The following PTPRD variants were observed in gnomAD, a reference collection of about 807,000 sequenced individuals.
PTPRD encodes protein tyrosine phosphatase receptor type D.
A neutral mutation model predicts 214.5 loss-of-function variants in PTPRD; 34 were observed. The observed-to-expected ratio is 0.16, with a 90% CI of 0.12 to 0.21. The LOEUF is 0.21. Among genes scored for constraint, PTPRD ranks in the 10% least tolerant of loss-of-function variants. The pLI is 1.00. For synonymous variants in PTPRD, 1,128 were observed against 845.7 expected, an observed-to-expected ratio of 1.33 and a Z score of -5.79; for missense variants, 2,545 against 2,398.7, an observed-to-expected ratio of 1.06 and a Z score of -1.27.
intron 7 of PTPRD, among the ~76,000 whole-genome samples, chr9:9,596,290 T>C (rs555556842): frequency 6.6e-6 from 1 of 152,120 alleles, no homozygotes; most frequent in East Asian, 1.9e-4. Flanking sequence ...AGAATATTCC[T>C]GAAGAATAGT....
chr9:9,070,892 A>T (rs1343464648), intron 10 of PTPRD, among the ~76,000 whole-genome samples: 1 of 152,100 alleles, frequency 6.6e-6, no homozygotes. Context: ...TAGTGTCCCC[A>T]CTAGCACTAC....
intron 11 of PTPRD, among the ~76,000 whole-genome samples, chr9:9,016,258 TC>T (rs1018008772): frequency 6.6e-6 from 1 of 152,118 alleles, no homozygotes; most frequent in Non-Finnish European, 1.5e-5. Context: ...GTGACAATTT[TC>T]CCCCAAATAG....
At position 8,375,833 on chromosome 9, in the gene PTPRD, G is replaced by C. The variant is rs1247410401; in HGVS notation, c.4661+103C>G. On this transcript the variant is annotated intron_variant, in intron 39 of 45. Transcript: ENST00000381196. ...ACCAAAAGAGAGCTGTATTATTTAT[G>C]AAGACATTTACTATTCCAGAATGTC... 1.6e-5 allele frequency: 21 copies of C among 1,340,516 alleles called. No individual in the cohort carries two copies. The East Asian group carries it at 5.0e-4, about 32-fold the overall frequency. The allele number at this position is 1,340,516 out of a possible 1,614,324, so 83.0% of individuals were successfully genotyped here.
Position 9,287,483 on chromosome 9 carries a change from C to T in PTPRD, c.-202-104120G>A, listed in dbSNP as rs73641291. Among the ~76,000 whole-genome samples, 318 of 151,858 alleles carry T rather than the reference C, an allele frequency of 2.1e-3. 3 individuals are homozygous for T. Among genetic ancestry groups the T allele is most frequent in the African/African-American group, 7.4e-3 (305 of 41,448 alleles). On this transcript the variant is annotated intron_variant, in intron 9 of 45. Transcript: ENST00000381196. ...TCTATCCAGCCAGACTTCACAAGGA[C>T]CAGTTATTGTGGCCACAGAGTAGGA...
At chr9:8,988,772 T>C (rs2099355202) in intron 11 of PTPRD, among the ~76,000 whole-genome samples, 2 of 152,054 alleles carry the variant, frequency 1.3e-5, no homozygotes, top group African/African-American at 2.4e-5. Context: ...TTCATTTGTC[T>C]GTGTTGTGGT....
chr9:8,410,639 A>T (rs2093435536), intron 35 of PTPRD, among the ~76,000 whole-genome samples: 1 of 152,188 alleles, frequency 6.6e-6, no homozygotes, highest in Admixed American at 6.6e-5. Context: ...AAGGCATAGA[A>T]AATGTATAAA....
In PTPRD at chr9:8,787,284, A is replaced by G. The variant is rs183158495; in HGVS notation, c.-103-53338T>C. ...CAACACACAACTTCTAGCTTTACTC[A>G]GCTTCTAGTTACTCTACTTGAGCAA... On this transcript the variant is annotated intron_variant, in intron 11 of 45. Transcript: ENST00000381196. 3.9e-4 allele frequency among the ~76,000 whole-genome samples: 60 copies of G among 152,328 alleles called. No individual in the cohort carries two copies. The East Asian group carries it at 8.5e-3, about 22-fold the overall frequency.
intron 3 of PTPRD, among the ~76,000 whole-genome samples, chr9:10,255,864 C>T (rs558184030): frequency 6.6e-6 from 1 of 152,236 alleles, no homozygotes; most frequent in South Asian, 2.1e-4. Context: ...AAACACACAT[C>T]GTAGCCTAGA....
chr9:10,150,210 G>C (rs967657707), intron 3 of PTPRD, among the ~76,000 whole-genome samples: 6 of 152,036 alleles, frequency 3.9e-5, no homozygotes, highest in African/African-American at 1.4e-4. Flanking sequence ...TAATATAAAG[G>C]TTTACCAATA....
At chr9:8,468,336 GC>G (rs1204301416) in intron 31 of PTPRD, among the ~76,000 whole-genome samples, 1 of 151,856 alleles carries the variant, frequency 6.6e-6, no homozygotes, top group African/African-American at 2.4e-5. Context: ...TTTACAACAA[GC>G]CTTTGAAGTA....
At chr9:10,523,289 C>T (rs1367626903) in intron 2 of PTPRD, among the ~76,000 whole-genome samples, 2 of 151,898 alleles carry the variant, frequency 1.3e-5, no homozygotes, top group South Asian at 2.1e-4. Flanking sequence ...CATAGTACCA[C>T]GTATAATCAA....
At chr9:9,648,778 G>A (rs924842313) in intron 7 of PTPRD, among the ~76,000 whole-genome samples, 16 of 152,110 alleles carry the variant, frequency 1.1e-4, no homozygotes, top group Admixed American at 2.0e-4. Context: ...ATTGTATTGT[G>A]TACTTTTCTA....
chr9:10,206,468 G>A (rs2099480448), intron 3 of PTPRD, among the ~76,000 whole-genome samples: 1 of 152,158 alleles, frequency 6.6e-6, no homozygotes, highest in Admixed American at 6.5e-5. Flanking sequence ...CAGTCCTCAT[G>A]AGAGTCAACC....
At chr9:8,587,289 T>G (rs1312430264) in intron 14 of PTPRD, among the ~76,000 whole-genome samples, 1 of 152,240 alleles carries the variant, frequency 6.6e-6, no homozygotes, top group East Asian at 1.9e-4. Context: ...TTATGACAAC[T>G]GGTTTGATCA....
intron 3 of PTPRD, among the ~76,000 whole-genome samples, chr9:10,063,083 G>C (rs1260498308): frequency 6.6e-6 from 1 of 151,970 alleles, no homozygotes; most frequent in Non-Finnish European, 1.5e-5. Context: ...CATGTGCATG[G>C]GAGTGAAATT....
intron 7 of PTPRD, among the ~76,000 whole-genome samples, chr9:9,602,614 T>C (rs971333974): frequency 6.6e-6 from 1 of 152,118 alleles, no homozygotes; most frequent in African/African-American, 2.4e-5. Flanking sequence ...TATTTTTAAA[T>C]AATACGTACC....
chr9:8,393,903 T>C (rs1200492390), intron 36 of PTPRD, among the ~76,000 whole-genome samples: 2 of 152,088 alleles, frequency 1.3e-5, no homozygotes, highest in Non-Finnish European at 2.9e-5. Context: ...TGCTTTATAC[T>C]GGGTCTTTGT....
intron 3 of PTPRD, among the ~76,000 whole-genome samples, chr9:10,191,480 G>C (rs1453094455): frequency 2.0e-5 from 3 of 152,098 alleles, no homozygotes; most frequent in African/African-American, 7.2e-5. Flanking sequence ...AAGGGTAATT[G>C]AGCTCAGGAG....
At chr9:10,509,579 ATT>A (rs1555450073) in intron 2 of PTPRD, among the ~76,000 whole-genome samples, 2 of 131,240 alleles carry the variant, frequency 1.5e-5, no homozygotes, top group African/African-American at 5.4e-5. Flanking sequence ...ATATATATAT[ATT>A]TTACTCACTT....
Sources: allele counts gnomAD v4.1 joint callset (sites outside exome capture counted in the v4.1 genomes callset), GRCh38; gene constraint gnomAD v4.1.1; transcripts MANE v1.5; gene names NCBI Gene and HGNC (gene_info 2026-07-23, HGNC 2026-07-21).